Variants in KCNT1 observed in about 807,000 individuals in gnomAD.
KCNT1 encodes the protein potassium sodium-activated channel subfamily T member 1, also known as potassium channel subfamily T member 1.
In KCNT1, 78 loss-of-function variants were observed where a neutral mutation model predicts 147.8. The ratio of observed to expected loss-of-function variants is 0.53; its 90% CI spans 0.44 to 0.64. The LOEUF (loss-of-function observed/expected upper bound fraction) is 0.64. Among genes scored for constraint, KCNT1 ranks in the 30% least tolerant of loss-of-function variants. The pLI, the probability that KCNT1 is intolerant of heterozygous loss-of-function variation, is 0.00. For synonymous variants in KCNT1, 867 were observed against 748.8 expected (o/e 1.16, Z -2.58); for missense variants, 1,419 against 1,750.3 (o/e 0.81, Z 3.38).
chr9:135,775,660 C>T (rs1833114569), intron 20 of KCNT1, among the ~76,000 whole-genome samples: 1 of 152,212 alleles, frequency 6.6e-6, no homozygotes, highest in Non-Finnish European at 1.5e-5. Context: ...TTTTCTGAGC[C>T]ATCTTGAGAA....
chr9:135,723,687 G>A (rs1201574470), intron 2 of KCNT1, among the ~76,000 whole-genome samples: 1 of 152,198 alleles, frequency 6.6e-6, no homozygotes, highest in Non-Finnish European at 1.5e-5. Flanking sequence ...TGGGTGTCCG[G>A]AGCATCTAGA....
chr9:135,770,241 G>A, intron 16 of KCNT1, 57 bp from the exon 17 acceptor site: 1 of 1,544,490 alleles, frequency 6.5e-7, no homozygotes, highest in Non-Finnish European at 8.7e-7. Flanking sequence ...CCCAGCCGGG[G>A]AGAAGGGGCA....
intron 2 of KCNT1, among the ~76,000 whole-genome samples, chr9:135,728,067 T>C (rs1329381641): frequency 6.6e-6 from 1 of 152,184 alleles, no homozygotes; most frequent in African/African-American, 2.4e-5. Context: ...AAGAAAAAGA[T>C]TAACAGGCAG....
At chr9:135,783,389 G>A (rs1389209826) in intron 24 of KCNT1, among the ~76,000 whole-genome samples, 1 of 150,192 alleles carries the variant, frequency 6.7e-6, no homozygotes, top group African/African-American at 2.4e-5. Context: ...AGAGAAGGAG[G>A]CCCCCAGGCC....
chr9:135,734,852 T>G (rs1830271012), intron 2 of KCNT1, among the ~76,000 whole-genome samples: 1 of 152,048 alleles, frequency 6.6e-6, no homozygotes, highest in South Asian at 2.1e-4. Flanking sequence ...GGTGACCATG[T>G]ATGGGCAGCC....
chr9:135,741,978 CCT>C (rs531385573), intron 2 of KCNT1, among the ~76,000 whole-genome samples: 1 of 152,164 alleles, frequency 6.6e-6, no homozygotes, highest in African/African-American at 2.4e-5. Flanking sequence ...CTCCCATCAG[CCT>C]CTCTCTCCGA....
At chr9:135,749,935 C>G (rs1831053860) in intron 2 of KCNT1, among the ~76,000 whole-genome samples, 163 bp from the exon 3 acceptor site, 2 of 152,080 alleles carry the variant, frequency 1.3e-5, no homozygotes, top group Admixed American at 1.3e-4. Context: ...GACCCCAGGA[C>G]CCTCCTGGGT....
In KCNT1 at chr9:135,777,343, C is replaced by T; in HGVS notation, c.2355C>T (p.Cys785=). 6.2e-7 allele frequency: 1 copy of T among 1,613,274 alleles called. No homozygotes were observed. The highest frequency in any genetic ancestry group is 8.5e-7 in the Non-Finnish European group (1 of 1,179,490). ...ACTCCAGCATCTGCCCCCAGGGCTG[C>T]AAGCACAACAGCTATGAAGACGCCA... ...PFCCLRLDKG[C]KHNSYEDAKA... is the part of the protein sequence containing the mutation. The change falls in exon 21 of 31, where the codon TGC becomes TGT. Residue 785 remains cysteine, a synonymous_variant. Coordinates refer to ENST00000371757, the MANE Select transcript of KCNT1 (RefSeq NM_020822.3).
At chr9:135,785,353 C>T (rs558029845) in intron 28 of KCNT1, 23 bp downstream of exon 28, 38 of 1,612,854 alleles carry the variant, frequency 2.4e-5, no homozygotes, top group South Asian at 5.5e-5. Flanking sequence ...TCCGTGCCCA[C>T]GCAGCTTCTG....
intron 24 of KCNT1, among the ~76,000 whole-genome samples, chr9:135,782,203 C>CA (rs57801735): frequency 0.011 from 1,714 of 151,862 alleles, 39 homozygotes; most frequent in African/African-American, 0.039. Context: ...GACCCTGTCT[C>CA]AAAAAAAACC....
intron 19 of KCNT1, among the ~76,000 whole-genome samples, chr9:135,774,173 C>T (rs1832954781): frequency 7.0e-6 from 1 of 142,598 alleles, no homozygotes. Flanking sequence ...GGTATGTGTC[C>T]GTGTGTGTGA....
chr9:135,744,708 G>T lies in KCNT1; in HGVS notation c.255-5390G>T, dbSNP rs542929891. Among the ~76,000 whole-genome samples, 95 of 152,356 alleles carry T rather than the reference G, an allele frequency of 6.2e-4. 1 individual carries two copies. Among genetic ancestry groups the T allele is most frequent in the African/African-American group, 2.2e-3 (90 of 41,586 alleles). ...TCGCCATGGGCCAGCGCCGCTGACG[G>T]CTCTCCCAGGGCCAGGGCCAGGGCC... is the stretch of plus-strand genomic sequence containing the variant. On this transcript the variant is annotated intron_variant, in intron 2 of 30. Coordinates refer to ENST00000371757, the MANE Select transcript of KCNT1 (RefSeq NM_020822.3).
At chr9:135,782,494 C>T (rs968393346) in intron 24 of KCNT1, among the ~76,000 whole-genome samples, 5 of 152,238 alleles carry the variant, frequency 3.3e-5, no homozygotes, top group Admixed American at 3.3e-4. Context: ...GGTGCCTGTC[C>T]TGCTCCCTCT....
rs2131387017 is a variant in KCNT1 at position 135,743,063 on chromosome 9, C to T, written c.255-7035C>T. 2.6e-5 allele frequency among the ~76,000 whole-genome samples: 4 copies of T among 152,254 alleles called. No homozygotes were observed. The Middle Eastern group carries it at 0.01, about 388-fold the overall frequency. ...GGGCTCCCCAGAGGTGGGTGGTCCG[C>T]AGCCTCAGGAGAGGCGGATGGCAGA... is the stretch of plus-strand genomic sequence containing the variant. On this transcript the variant is annotated intron_variant, in intron 2 of 30. Transcript: ENST00000371757.
intron 2 of KCNT1, among the ~76,000 whole-genome samples, chr9:135,720,728 C>A (rs1835892251): frequency 1.3e-5 from 2 of 152,238 alleles, no homozygotes; most frequent in African/African-American, 4.8e-5. Flanking sequence ...CGGGAGCCAG[C>A]CCCAGCTCCC....
chr9:135,727,623 G>T (rs1836273569), intron 2 of KCNT1, among the ~76,000 whole-genome samples: 1 of 152,134 alleles, frequency 6.6e-6, no homozygotes, highest in African/African-American at 2.4e-5. Context: ...GTACTGTTGT[G>T]CCTTTGAAGG....
In KCNT1 at chr9:135,730,725, C is replaced by G. The variant is rs574910780; in HGVS notation, c.254+16005C>G. On this transcript the variant is annotated intron_variant, in intron 2 of 30. Coordinates refer to ENST00000371757, the MANE Select transcript of KCNT1 (RefSeq NM_020822.3). The surrounding 1 kb of genome is among the most constrained non-coding windows in gnomAD (Gnocchi z 4.7). ...TGTTGGCCGGGTACGGTGGCTCACA[C>G]CTGAAATCTCAGCACTTTGGGAGGC... 5.3e-5 allele frequency among the ~76,000 whole-genome samples: 8 copies of G among 152,232 alleles called. No individual in the cohort carries two copies. Among genetic ancestry groups the G allele is most frequent in the African/African-American group, 1.9e-4 (8 of 41,516 alleles).
At chr9:135,791,630 C>T (rs1834536278) in intron 29 of KCNT1, 167 bp from the exon 30 acceptor site, 3 of 631,708 alleles carry the variant, frequency 4.7e-6, no homozygotes, top group Non-Finnish European at 8.4e-6. Context: ...AGGTGTCGGT[C>T]AGGGATGGGC....
At chr9:135,764,327 T>C (rs1470928603) in intron 11 of KCNT1, among the ~76,000 whole-genome samples, 1 of 151,962 alleles carries the variant, frequency 6.6e-6, no homozygotes, top group East Asian at 1.9e-4. Context: ...GTCATGGTGG[T>C]GATGCACCTA....
Sources: gnomAD v4.1 joint callset for allele counts (sites outside exome capture counted in the v4.1 genomes callset) on GRCh38, gnomAD v4.1.1 for gene constraint, Gnocchi (gnomAD v3.1) non-coding constraint, MANE v1.5 for transcripts, NCBI Gene and HGNC (gene_info 2026-07-23, HGNC 2026-07-21) for gene names.